Variants in MAN1A1 observed in about 807,000 individuals in gnomAD.
The protein encoded by MAN1A1 is mannosidase alpha class 1A member 1, also known as mannosyl-oligosaccharide 1,2-alpha-mannosidase IA.
Under a neutral mutation model 70.8 loss-of-function variants are expected in MAN1A1, and 29 were observed. The observed-to-expected ratio is 0.41, with a 90% CI of 0.31 to 0.56. The LOEUF (loss-of-function observed/expected upper bound fraction) is 0.56. Among genes scored for constraint, MAN1A1 ranks in the 20% least tolerant of loss-of-function variants. The pLI, the probability that MAN1A1 is intolerant of heterozygous loss-of-function variation, is 0.29. For synonymous variants in MAN1A1, 349 were observed against 330.1 expected (o/e 1.06, Z -0.62); for missense variants, 747 against 841.3 (o/e 0.89, Z 1.39).
At chr6:119,340,730 CT>C (rs1448076031) in intron 2 of MAN1A1, among the ~76,000 whole-genome samples, 1 of 152,200 alleles carries the variant, frequency 6.6e-6, no homozygotes, top group East Asian at 1.9e-4. Context: ...CATGCCCTCT[CT>C]CATACTAAGT....
intron 3 of MAN1A1, among the ~76,000 whole-genome samples, chr6:119,304,179 T>C (rs1240387083): frequency 6.6e-6 from 1 of 152,178 alleles, no homozygotes; most frequent in Non-Finnish European, 1.5e-5. Context: ...TTAAAACACT[T>C]GATTTTCAAA....
rs1205970824 is a variant in MAN1A1, at chr6:119,257,780, T to C, written c.898-9426A>G. Among the ~76,000 whole-genome samples the C allele has an allele frequency of 4.6e-5, 7 of 152,284 alleles. No homozygotes were observed. In the East Asian group the frequency reaches 1.2e-3, roughly 25 times the overall value. On this transcript the variant is annotated intron_variant, in intron 5 of 12. Transcript: ENST00000368468. ...ATTCTTAAGTGTACCACATGTGTTA[T>C]TGTAGGCTTTCTAATTACTAAAATA...
At chr6:119,191,388 G>A (rs183566287) in intron 9 of MAN1A1, among the ~76,000 whole-genome samples, 110 of 152,046 alleles carry the variant, frequency 7.2e-4, no homozygotes, top group African/African-American at 2.6e-3. Context: ...GGCATGATTC[G>A]GACCAAGTTG....
intron 5 of MAN1A1, among the ~76,000 whole-genome samples, chr6:119,249,230 G>T (rs3819732): frequency 0.75 from 113,437 of 151,944 alleles, 42,852 homozygotes; most frequent in Non-Finnish European, 0.81. Flanking sequence ...ACAAAAAGGG[G>T]ATACTGGTAA....
chr6:119,313,917 C>A (rs1256387681), intron 2 of MAN1A1, among the ~76,000 whole-genome samples: 1 of 148,782 alleles, frequency 6.7e-6, no homozygotes, highest in Non-Finnish European at 1.5e-5. Context: ...GAGAGTCAAG[C>A]CCCTCACTAA....
At chr6:119,188,062 T>C (rs1296864249) in intron 11 of MAN1A1, among the ~76,000 whole-genome samples, 2 of 152,222 alleles carry the variant, frequency 1.3e-5, no homozygotes, top group Non-Finnish European at 2.9e-5. Context: ...AAGTGGTTTA[T>C]TGAAATAGAG....
intron 2 of MAN1A1, among the ~76,000 whole-genome samples, chr6:119,333,584 T>A (rs1036044322): frequency 1.3e-5 from 2 of 152,188 alleles, no homozygotes; most frequent in African/African-American, 4.8e-5. Context: ...TAATACTAAA[T>A]TAAGCTAATT....
intron 2 of MAN1A1, among the ~76,000 whole-genome samples, chr6:119,309,269 T>C (rs1313683050): frequency 1.3e-5 from 2 of 152,218 alleles, no homozygotes; most frequent in African/African-American, 4.8e-5. Flanking sequence ...TGTGTACACA[T>C]GCATAGAATA....
chr6:119,319,930 T>A (rs1395092987), intron 2 of MAN1A1, among the ~76,000 whole-genome samples: 1 of 152,176 alleles, frequency 6.6e-6, no homozygotes, highest in Non-Finnish European at 1.5e-5. Context: ...CAGTGGTTGT[T>A]CTGCTGTCAT....
At chr6:119,219,823 C>T (rs528224290) in intron 6 of MAN1A1, among the ~76,000 whole-genome samples, 4 of 152,102 alleles carry the variant, frequency 2.6e-5, no homozygotes, top group East Asian at 3.9e-4. Flanking sequence ...ACATGTCATA[C>T]GTCTTCTAGA....
intron 9 of MAN1A1, among the ~76,000 whole-genome samples, chr6:119,193,376 G>A (rs1229974097): frequency 6.6e-6 from 1 of 151,880 alleles, no homozygotes; most frequent in Non-Finnish European, 1.5e-5. Context: ...TTATCTCTGG[G>A]GACAAGTTTA....
At chr6:119,346,491 T>C (rs190429024) in intron 2 of MAN1A1, among the ~76,000 whole-genome samples, 1 of 152,352 alleles carries the variant, frequency 6.6e-6, no homozygotes, top group Non-Finnish European at 1.5e-5. Flanking sequence ...CACTGCTTTA[T>C]GCAAGACTGA....
At chr6:119,183,750 C>T (rs1773214133) in intron 11 of MAN1A1, among the ~76,000 whole-genome samples, 1 of 152,018 alleles carries the variant, frequency 6.6e-6, no homozygotes. Context: ...TTCTTGTTCC[C>T]CACAAGTCCT....
At chr6:119,249,365 G>T (rs1775257096) in intron 5 of MAN1A1, among the ~76,000 whole-genome samples, 1 of 152,198 alleles carries the variant, frequency 6.6e-6, no homozygotes, top group South Asian at 2.1e-4. Flanking sequence ...GTTTTAGGAA[G>T]ATTAATTAGA....
At chr6:119,326,915 C>T (rs1773161111) in intron 2 of MAN1A1, among the ~76,000 whole-genome samples, 1 of 152,198 alleles carries the variant, frequency 6.6e-6, no homozygotes, top group Non-Finnish European at 1.5e-5. Flanking sequence ...TGTTGAGTAG[C>T]TCTACGTATG....
intron 5 of MAN1A1, among the ~76,000 whole-genome samples, chr6:119,266,491 C>G (rs1285874910): frequency 1.3e-5 from 2 of 151,998 alleles, no homozygotes; most frequent in Non-Finnish European, 2.9e-5. Context: ...GAAAAGATAG[C>G]CTTTTTAACA....
At chr6:119,241,856 T>A (rs1418196263) in intron 6 of MAN1A1, among the ~76,000 whole-genome samples, 2 of 151,728 alleles carry the variant, frequency 1.3e-5, no homozygotes, top group Admixed American at 1.3e-4. Flanking sequence ...CCAAACCAAT[T>A]GAAACAGACT....
At chr6:119,298,833 T>A (rs1226322049) in intron 4 of MAN1A1, among the ~76,000 whole-genome samples, 2 of 151,996 alleles carry the variant, frequency 1.3e-5, no homozygotes, top group Non-Finnish European at 2.9e-5. Flanking sequence ...CCTGACCTCA[T>A]GATCCACCCG....
At chr6:119,250,376 C>G (rs1214758279) in intron 5 of MAN1A1, among the ~76,000 whole-genome samples, 2 of 152,228 alleles carry the variant, frequency 1.3e-5, no homozygotes, top group Admixed American at 6.5e-5. Flanking sequence ...CTTCTCCAAA[C>G]TGGGCAATCT....
Sources: allele counts gnomAD v4.1 joint callset (sites outside exome capture counted in the v4.1 genomes callset), GRCh38; gene constraint gnomAD v4.1.1; transcripts MANE v1.5; gene names NCBI Gene and HGNC (gene_info 2026-07-23, HGNC 2026-07-21).